The following WWOX variants were observed in gnomAD, a reference collection of about 807,000 sequenced individuals.
WWOX encodes WW domain-containing oxidoreductase.
A neutral mutation model predicts 46.2 loss-of-function variants in WWOX; 69 were observed. The ratio of observed to expected loss-of-function variants is 1.49; its 90% CI spans 1.23 to 1.82. The LOEUF (loss-of-function observed/expected upper bound fraction) is 1.82. WWOX is among the 40% of genes most tolerant of loss of function. The probability of loss-of-function intolerance (pLI) is 0.00; values close to 1 mark genes in which losing one functional copy is unlikely to be tolerated. For missense variants in WWOX, 919 were observed against 542.6 expected, an observed-to-expected ratio of 1.69 and a Z score of -6.89; for synonymous variants, 359 against 202.6, an observed-to-expected ratio of 1.77 and a Z score of -6.56.
chr16:78,819,049 G>A lies in WWOX; in HGVS notation c.1056+386297G>A, dbSNP rs77879259. 6.9e-3 allele frequency among the ~76,000 whole-genome samples: 1,058 copies of A among 152,268 alleles called. 10 individuals are homozygous for A. The highest frequency in any genetic ancestry group is 0.024 in the African/African-American group (1,002 of 41,546). The stretch of plus-strand genomic sequence containing the variant: ...AAAATTAAATGGAAACGATAACGGC[G>A]AAGCACTTAGCACATGAGCAGGCCC... On this transcript the variant is annotated intron_variant, in intron 8 of 8. Coordinates refer to ENST00000566780, the MANE Select transcript of WWOX (RefSeq NM_016373.4).
At chr16:78,383,563 T>C (rs2081999951) in intron 5 of WWOX, among the ~76,000 whole-genome samples, 1 of 152,282 alleles carries the variant, frequency 6.6e-6, no homozygotes, top group African/African-American at 2.4e-5. Flanking sequence ...TTGCAATCTG[T>C]CAGCCACTAC....
intron 8 of WWOX, among the ~76,000 whole-genome samples, chr16:78,555,585 C>CT (rs5818153): frequency 0.71 from 100,260 of 141,008 alleles, 38,262 homozygotes; most frequent in East Asian, 0.92. Flanking sequence ...AGGAGTGCCA[C>CT]TTTTTTTTTT....
At chr16:78,436,025 C>T (rs1475859682) in intron 8 of WWOX, among the ~76,000 whole-genome samples, 1 of 152,076 alleles carries the variant, frequency 6.6e-6, no homozygotes, top group Non-Finnish European at 1.5e-5. Context: ...TTTGTTAATT[C>T]GAACTGAAAA....
intron 8 of WWOX, among the ~76,000 whole-genome samples, chr16:78,832,588 G>T (rs940179371): frequency 1.3e-5 from 2 of 152,120 alleles, no homozygotes; most frequent in Non-Finnish European, 2.9e-5. Flanking sequence ...TCGGCTATTG[G>T]CAGTGGCATG....
intron 8 of WWOX, among the ~76,000 whole-genome samples, chr16:78,670,599 T>C (rs775676977): frequency 2.0e-4 from 31 of 152,118 alleles, no homozygotes; most frequent in Non-Finnish European, 3.7e-4. Flanking sequence ...AGATGAATAA[T>C]GTCCCCCCAA....
At chr16:79,031,042 G>A (rs1034776760) in intron 8 of WWOX, among the ~76,000 whole-genome samples, 16 of 148,684 alleles carry the variant, frequency 1.1e-4, no homozygotes, top group African/African-American at 3.2e-4. Context: ...GCAGTGAGCC[G>A]AGATCGAGTC....
intron 8 of WWOX, among the ~76,000 whole-genome samples, chr16:78,841,751 C>A (rs976035395): frequency 7.9e-5 from 12 of 152,020 alleles, no homozygotes; most frequent in Non-Finnish European, 1.5e-4. Flanking sequence ...AAAATGTGTA[C>A]TATTTTATTG....
At chr16:78,178,974 G>T (rs372167138) in intron 5 of WWOX, among the ~76,000 whole-genome samples, 7 of 152,280 alleles carry the variant, frequency 4.6e-5, no homozygotes, top group Admixed American at 2.0e-4. Context: ...GTTTACATGG[G>T]GCTGTGGACC....
At chr16:78,402,313 C>T (rs2082432162) in intron 6 of WWOX, among the ~76,000 whole-genome samples, 1 of 152,088 alleles carries the variant, frequency 6.6e-6, no homozygotes, top group Non-Finnish European at 1.5e-5. Context: ...ATCAGTACTT[C>T]ATTTCTTTTT....
chr16:78,450,374 C>G (rs1248562892), intron 8 of WWOX, among the ~76,000 whole-genome samples: 3 of 152,138 alleles, frequency 2.0e-5, no homozygotes, highest in African/African-American at 7.2e-5. Flanking sequence ...AGCTGGATAT[C>G]TTATTTATTT....
At chr16:79,207,499 C>T (rs1014274566) in intron 8 of WWOX, among the ~76,000 whole-genome samples, 5 of 152,182 alleles carry the variant, frequency 3.3e-5, no homozygotes, top group African/African-American at 9.6e-5. Flanking sequence ...CTACTTTTTG[C>T]ATAAGTGGAT....
intron 5 of WWOX, among the ~76,000 whole-genome samples, chr16:78,318,701 C>A (rs115267286): frequency 1.7e-3 from 260 of 152,260 alleles, no homozygotes; most frequent in Middle Eastern, 3.4e-3. Flanking sequence ...ACTGTACATA[C>A]ATAATTTCTG....
chr16:78,616,739 C>T (rs1208233220), intron 8 of WWOX, among the ~76,000 whole-genome samples: 1 of 151,832 alleles, frequency 6.6e-6, no homozygotes, highest in African/African-American at 2.4e-5. Flanking sequence ...GCACTCCTGT[C>T]TGGGAGACAG....
chr16:78,802,595 A>T (rs1022274584), intron 8 of WWOX, among the ~76,000 whole-genome samples: 5 of 152,088 alleles, frequency 3.3e-5, no homozygotes, highest in Admixed American at 6.6e-5. Flanking sequence ...ATATTTGTGA[A>T]TATAGTGAGT....
At chr16:78,394,367 C>G (rs184566795) in intron 6 of WWOX, among the ~76,000 whole-genome samples, 3 of 152,192 alleles carry the variant, frequency 2.0e-5, no homozygotes, top group Admixed American at 2.0e-4. Context: ...TTTGAAAAGT[C>G]TACAAGTTAA....
chr16:79,169,516 CTCCTG>C (rs1462916653), intron 8 of WWOX, among the ~76,000 whole-genome samples: 1 of 152,208 alleles, frequency 6.6e-6, no homozygotes, highest in East Asian at 1.9e-4. Context: ...TTTCAGCCAC[CTCCTG>C]GCTGTCCTTT....
intron 5 of WWOX, among the ~76,000 whole-genome samples, chr16:78,308,790 C>T (rs1441423643): frequency 6.6e-6 from 1 of 152,158 alleles, no homozygotes; most frequent in African/African-American, 2.4e-5. Context: ...GTGGACTTAT[C>T]TTAACCCAGA....
At chr16:79,031,916 C>CTGTA (rs1567501278) in intron 8 of WWOX, among the ~76,000 whole-genome samples, 23 of 85,218 alleles carry the variant, frequency 2.7e-4, no homozygotes, top group African/African-American at 8.6e-4. Flanking sequence ...ATATAGATAT[C>CTGTA]TATATATATA....
chr16:78,971,955 C>G (rs370702359), intron 8 of WWOX, among the ~76,000 whole-genome samples: 7 of 152,288 alleles, frequency 4.6e-5, no homozygotes, highest in African/African-American at 1.7e-4. Flanking sequence ...GGCGCACACT[C>G]GGGGAGCATT....
Sources: gnomAD v4.1 joint callset for allele counts (sites outside exome capture counted in the v4.1 genomes callset) on GRCh38, gnomAD v4.1.1 for gene constraint, MANE v1.5 for transcripts, NCBI Gene and HGNC (gene_info 2026-07-23, HGNC 2026-07-21) for gene names.